The following SLC38A10 variants were observed in gnomAD, a reference collection of about 807,000 sequenced individuals.
SLC38A10 encodes solute carrier family 38 member 10.
SLC38A10 carries 53 observed loss-of-function variants against 81.0 expected under a neutral mutation model. That is an observed-to-expected ratio of 0.65 (90% CI 0.53 to 0.82). The LOEUF (loss-of-function observed/expected upper bound fraction) is 0.82, where lower values mean the gene tolerates loss of function less well. Among genes scored for constraint, SLC38A10 ranks in the 40% least tolerant of loss-of-function variants. The pLI, the probability that SLC38A10 is intolerant of heterozygous loss-of-function variation, is 0.00. For missense variants in SLC38A10, 1,471 were observed against 1,545.0 expected, an observed-to-expected ratio of 0.95 and a Z score of 0.80; for synonymous variants, 665 against 655.3, an observed-to-expected ratio of 1.01 and a Z score of -0.23.
chr17:81,292,206 C>T (rs1213902587), intron 1 of SLC38A10, among the ~76,000 whole-genome samples: 1 of 152,054 alleles, frequency 6.6e-6, no homozygotes, highest in Non-Finnish European at 1.5e-5. Flanking sequence ...TGGCTCACTG[C>T]AAGCTCCACT....
intron 8 of SLC38A10, among the ~76,000 whole-genome samples, chr17:81,274,566 G>C (rs903655167): frequency 1.3e-5 from 2 of 152,210 alleles, no homozygotes; most frequent in African/African-American, 4.8e-5. Flanking sequence ...ACAGAAGATG[G>C]ATGGGCCACC....
chr17:81,250,104 C>G (rs1210024991), intron 14 of SLC38A10: 1 of 1,287,598 alleles, frequency 7.8e-7, no homozygotes, highest in Non-Finnish European at 1.0e-6. Flanking sequence ...CTGCTCGTCC[C>G]GTTGAGAGGC....
chr17:81,261,625 C>T (rs2063024495), intron 10 of SLC38A10, among the ~76,000 whole-genome samples: 2 of 152,254 alleles, frequency 1.3e-5, no homozygotes, highest in South Asian at 4.1e-4. Context: ...AAAAAGACAA[C>T]CTAGTGGAGA....
At position 81,272,553 on chromosome 17, in the gene SLC38A10, C is replaced by T; in HGVS notation, c.987G>A (p.Val329=). The change falls in exon 9 of 16, where the codon GTG becomes GTA. Residue 329 remains valine, a synonymous_variant. Transcript: ENST00000374759. ...GGATGCCACCAACCATGGTTCCAAA[C>T]ACCACAGAGAGGGTAAGTGCTTTAA... is the stretch of plus-strand genomic sequence containing the variant. ...LRFKALTLSV[V]FGTMVGGILI... 1 of 1,599,380 alleles carries T rather than the reference C, an allele frequency of 6.3e-7. No individual in the cohort carries two copies. The highest frequency in any genetic ancestry group is 8.5e-7 in the Non-Finnish European group (1 of 1,173,938).
At position 81,283,260 on chromosome 17, in the gene SLC38A10, G is replaced by A. The variant is rs970565206; in HGVS notation, c.357+149C>T. The stretch of plus-strand genomic sequence containing the variant: ...ACAGACGTGACCCAGCAAAGCCCCC[G>A]CACTCCACCAAGCCCCTAGAATGAC... On this transcript the variant is annotated intron_variant, in intron 4 of 15. Transcript: ENST00000374759. The surrounding 1 kb of genome is among the most constrained non-coding windows in gnomAD (Gnocchi z 4.7). 7 of 637,418 alleles carry A rather than the reference G, an allele frequency of 1.1e-5. No homozygotes were observed. The highest frequency in any genetic ancestry group is 9.6e-5 in the East Asian group (3 of 31,128). The allele number at this position is 637,418 out of a possible 1,614,324, so 39.5% of individuals were successfully genotyped here.
rs751388851 is a variant in SLC38A10 at position 81,282,227 on chromosome 17, C to A, written c.463G>T (p.Ala155Ser). The change falls in exon 5 of 16, where the codon GCC becomes TCC. Residue 155 changes from alanine (A) to serine (S), a missense_variant. Ala to Ser is a moderately conservative substitution (Grantham distance 99). Around this residue, in one of 2 missense-constraint regions of SLC38A10, gnomAD observed 720 missense variants for 827.7 expected, o/e 0.87. Transcript: ENST00000374759. Reference sequence around the variant, plus strand: ...ACGGTGTAGAAGAGGAGGGCCATGGCGCTGAAGGACTGGATGGAGGCCATC... The same window carrying A: ...ACGGTGTAGAAGAGGAGGGCCATGGAGCTGAAGGACTGGATGGAGGCCATC... ...NMMASIQSFS[A>S]MALLFYTVFM... The A allele has an allele frequency of 1.2e-6, 2 of 1,613,730 alleles. No individual in the cohort carries two copies. The highest frequency in any genetic ancestry group is 1.7e-6 in the Non-Finnish European group (2 of 1,180,012).
At position 81,288,428 on chromosome 17, in the gene SLC38A10, C is replaced by T. The variant is rs936181561; in HGVS notation, c.217+1263G>A. 6.6e-6 allele frequency among the ~76,000 whole-genome samples: 1 copy of T among 152,186 alleles called. No homozygotes were observed. The highest frequency in any genetic ancestry group is 2.4e-5 in the African/African-American group (1 of 41,440). The stretch of plus-strand genomic sequence containing the variant: ...AGGCCAGAGTTTTCACCAAAACCCA[C>T]AGGGCCAACTCCTGAGAACACGGAT... On this transcript the variant is annotated intron_variant, in intron 2 of 15. Transcript: ENST00000374759. The surrounding 1 kb of genome is among the most constrained non-coding windows in gnomAD (Gnocchi z 5.4).
At chr17:81,272,926 T>A (rs1360790091) in intron 8 of SLC38A10, among the ~76,000 whole-genome samples, 1 of 152,212 alleles carries the variant, frequency 6.6e-6, no homozygotes, top group Non-Finnish European at 1.5e-5. Context: ...CTTTTTGCTT[T>A]TAGAGCAATA....
At chr17:81,263,338 T>G (rs1233076782) in intron 10 of SLC38A10, 1 of 152,344 alleles carries the variant, frequency 6.6e-6, no homozygotes, top group East Asian at 1.9e-4. Flanking sequence ...CGTACACACC[T>G]GCTGCCACCT....
chr17:81,279,802 T>C, intron 6 of SLC38A10: 1 of 160,062 alleles, frequency 6.2e-6, no homozygotes, highest in South Asian at 1.5e-4. Context: ...CCGATCATAA[T>C]GGGATATTAA....
At chr17:81,287,239 G>A (rs1324245306) in intron 2 of SLC38A10, among the ~76,000 whole-genome samples, 2 of 152,166 alleles carry the variant, frequency 1.3e-5, no homozygotes, top group East Asian at 1.9e-4. Flanking sequence ...TAACCAACCC[G>A]AGGAACCATT....
rs181821652 is a variant in SLC38A10 at position 81,278,708 on chromosome 17, C to A, written c.627-1575G>T. Reference sequence around the variant, plus strand: ...ATGAACTTCCCAGTGCTAAACTGTCCTCTCGCCACAGCTGAGTCCACACCA... The same window carrying A: ...ATGAACTTCCCAGTGCTAAACTGTCATCTCGCCACAGCTGAGTCCACACCA... On this transcript the variant is annotated intron_variant, in intron 6 of 15. Transcript: ENST00000374759. 5.4e-4 allele frequency among the ~76,000 whole-genome samples: 83 copies of A among 152,294 alleles called. 2 individuals carry two copies. Among genetic ancestry groups the A allele is most frequent in the Middle Eastern group, 3.4e-3 (1 of 294 alleles).
chr17:81,293,896 C>T (rs1164055893), intron 1 of SLC38A10, among the ~76,000 whole-genome samples: 1 of 152,214 alleles, frequency 6.6e-6, no homozygotes, highest in Non-Finnish European at 1.5e-5. Flanking sequence ...ACAGATGACA[C>T]TTAGAAATGG....
rs1470734958 is a variant in SLC38A10, at chr17:81,253,836, TATC to T, written c.1289-599_1289-597del. ...CCGTCACCATCATCACCATCACCGC[TATC>T]ATCACCACCATCTCCATCCCTACCA... On this transcript the variant is annotated intron_variant, in intron 11 of 15. Transcript: ENST00000374759. The surrounding 1 kb of genome is among the most constrained non-coding windows in gnomAD (Gnocchi z 4.1). Among the ~76,000 whole-genome samples, 4 of 134,078 alleles carry T rather than the reference TATC, an allele frequency of 3.0e-5. No individual in the cohort carries two copies. The highest frequency in any genetic ancestry group is 5.6e-5 in the African/African-American group (2 of 35,950). The allele number at this position is 134,078 out of a possible 152,430, so 88.0% of individuals were successfully genotyped here.
Position 81,289,536 on chromosome 17 carries a change from C to T in SLC38A10, c.217+155G>A, listed in dbSNP as rs1056109161. ...GACGACAGGCACGTGCAACCACACCCGGCTCATTTTTTTGCAGCATTACAT... is the reference window on the plus strand; with the variant it reads ...GACGACAGGCACGTGCAACCACACCTGGCTCATTTTTTTGCAGCATTACAT... On this transcript the variant is annotated intron_variant, in intron 2 of 15. Transcript: ENST00000374759. The surrounding 1 kb of genome is among the most constrained non-coding windows in gnomAD (Gnocchi z 5.9). Among the ~76,000 whole-genome samples the T allele has an allele frequency of 3.3e-5, 5 of 151,944 alleles. No individual in the cohort carries two copies. Among genetic ancestry groups the T allele is most frequent in the Admixed American group, 1.3e-4 (2 of 15,240 alleles).
At chr17:81,280,884 CCGCCTT>C (rs2063206096) in intron 5 of SLC38A10, 151 bp from the exon 6 acceptor site, 8 of 910,376 alleles carry the variant, frequency 8.8e-6, no homozygotes, top group Non-Finnish European at 1.2e-5. Context: ...CCGCCCTGTG[CCGCCTT>C]GTGCCGCCAG....
rs2063202468 is a variant in SLC38A10 at position 81,280,650 on chromosome 17, G to A, written c.585C>T (p.Phe195=). 1.2e-6 allele frequency: 2 copies of A among 1,612,426 alleles called. No individual in the cohort carries two copies. Among genetic ancestry groups the A allele is most frequent in the East Asian group, 4.5e-5 (2 of 44,882 alleles). Residue 195 remains phenylalanine, a synonymous_variant, in exon 6 of 16, where the codon TTC becomes TTT. Coordinates refer to ENST00000374759, the MANE Select transcript of SLC38A10 (RefSeq NM_001037984.3). The stretch of plus-strand genomic sequence containing the variant: ...ACATGCCGAAGATGGGGATGCAGCG[G>A]AAGACGCCCTCCCAGCGGACGTAGC... ...RVSYVRWEGV[F]RCIPIFGMSF...
chr17:81,259,249 C>T (rs968770563), intron 11 of SLC38A10, among the ~76,000 whole-genome samples: 5 of 152,296 alleles, frequency 3.3e-5, no homozygotes, highest in East Asian at 1.9e-4. Context: ...CCTCCATAGC[C>T]GCCTGAGACC....
intron 1 of SLC38A10, among the ~76,000 whole-genome samples, chr17:81,291,534 A>G (rs902020299): frequency 2.0e-5 from 3 of 151,792 alleles, no homozygotes; most frequent in Admixed American, 6.6e-5. Flanking sequence ...AACTCATGAG[A>G]TATCACCAAG....
Sources: gnomAD v4.1 joint callset for allele counts (sites outside exome capture counted in the v4.1 genomes callset) on GRCh38, gnomAD v4.1.1 for gene constraint, gnomAD v4.1.1 regional missense constraint, Gnocchi (gnomAD v3.1) non-coding constraint, MANE v1.5 for transcripts, NCBI Gene and HGNC (gene_info 2026-07-23, HGNC 2026-07-21) for gene names.